Variants in VPS13A observed in about 807,000 individuals in gnomAD.
The protein encoded by VPS13A is vacuolar protein sorting 13 homolog A, also known as intermembrane lipid transfer protein VPS13A.
In VPS13A, 264 loss-of-function variants were observed where a neutral mutation model predicts 390.9. The ratio of observed to expected loss-of-function variants is 0.68; its 90% confidence interval spans 0.61 to 0.75. The LOEUF (loss-of-function observed/expected upper bound fraction) is 0.75, where lower values mean the gene tolerates loss of function less well. Among genes scored for constraint, VPS13A ranks in the 30% least tolerant of loss-of-function variants. The pLI is 0.00. For synonymous variants in VPS13A, 1,231 were observed against 1,227.1 expected, an observed-to-expected ratio of 1.00 and a Z score of -0.07; for missense variants, 3,409 against 3,733.9, an observed-to-expected ratio of 0.91 and a Z score of 2.27.
chr9:77,393,878 C>T (rs1834005036), intron 68 of VPS13A, among the ~76,000 whole-genome samples: 1 of 152,124 alleles, frequency 6.6e-6, no homozygotes, highest in African/African-American at 2.4e-5. Flanking sequence ...AAGCAATTCT[C>T]CTGTCTCGGC....
chr9:77,281,008 T>C (rs1375317353), intron 27 of VPS13A, among the ~76,000 whole-genome samples: 2 of 152,186 alleles, frequency 1.3e-5, no homozygotes, highest in Non-Finnish European at 2.9e-5. Context: ...GAGGACATTA[T>C]GCTAAGCAAA....
At chr9:77,205,864 A>G in intron 4 of VPS13A, 114 bp from the exon 5 acceptor site, 1 of 742,894 alleles carries the variant, frequency 1.3e-6, no homozygotes, top group Admixed American at 2.6e-5. Context: ...TGCTGGGATT[A>G]CAGGCATGAG....
chr9:77,342,134 G>T (rs1830862810), intron 50 of VPS13A, among the ~76,000 whole-genome samples: 2 of 152,118 alleles, frequency 1.3e-5, no homozygotes, highest in Non-Finnish European at 2.9e-5. Flanking sequence ...GTTAGCAATT[G>T]TCGAGAGCTC....
chr9:77,243,019 A>G (rs1201186426), intron 19 of VPS13A, among the ~76,000 whole-genome samples: 3 of 152,024 alleles, frequency 2.0e-5, no homozygotes, highest in African/African-American at 7.2e-5. Flanking sequence ...AATTTAATAT[A>G]TTTTGGATTT....
At chr9:77,316,486 C>A in intron 39 of VPS13A, 80 bp downstream of exon 39, 1 of 1,199,222 alleles carries the variant, frequency 8.3e-7, no homozygotes, top group Non-Finnish European at 1.2e-6. Context: ...CAAAAACTAC[C>A]TACATGCTTT....
intron 31 of VPS13A, among the ~76,000 whole-genome samples, chr9:77,290,037 C>T (rs1827557131): frequency 6.6e-6 from 1 of 152,112 alleles, no homozygotes; most frequent in South Asian, 2.1e-4. Flanking sequence ...CCACCTAGGC[C>T]CCCCAGAGTG....
At chr9:77,254,491 C>CT (rs1346265558) in intron 22 of VPS13A, among the ~76,000 whole-genome samples, 11 of 152,208 alleles carry the variant, frequency 7.2e-5, no homozygotes, top group Admixed American at 2.0e-4. Flanking sequence ...TAACTTTGTT[C>CT]TTTCGATTGT....
chr9:77,211,890 T>C lies in VPS13A; in HGVS notation c.556-1079T>C, dbSNP rs139611590. The stretch of plus-strand genomic sequence containing the variant: ...AGGAGGTAAGGCCTGGGAGTGAGCA[T>C]TACCGCCTGAGCTCTGTCAGATCAG... On this transcript the variant is annotated intron_variant, in intron 7 of 71. Coordinates refer to ENST00000360280, the MANE Select transcript of VPS13A (RefSeq NM_033305.3). Among the ~76,000 whole-genome samples, 212 of 152,290 alleles carry C rather than the reference T, an allele frequency of 1.4e-3. 3 individuals carry two copies. The East Asian group carries it at 0.038, about 27-fold the overall frequency.
chr9:77,313,927 AGG>A, intron 35 of VPS13A, 63 bp from the exon 36 acceptor site: 1 of 1,483,288 alleles, frequency 6.7e-7, no homozygotes, highest in Non-Finnish European at 9.2e-7. Context: ...ATCTATTTCA[AGG>A]GTATTTTAAT....
rs778600844 is a variant in VPS13A, at chr9:77,213,270, G to A, written c.652G>A (p.Val218Met). The A allele has an allele frequency of 6.2e-7, 1 of 1,613,696 alleles. No homozygotes were observed. Among genetic ancestry groups the A allele is most frequent in the Non-Finnish European group, 8.5e-7 (1 of 1,179,840 alleles). ...RLDNLFAYWN[V>M]KSQMFYLSDY... ...GGATAACCTGTTTGCCTATTGGAAT[G>A]TGAAGTCTCAGATGTTTTATCTTAG... Residue 218 changes from valine to methionine, a missense_variant, in exon 9 of 72, where the codon GTG (valine) becomes ATG (methionine). Physicochemically the swap from Val to Met is conservative, Grantham distance 21. Around this residue, in one of 5 missense-constraint regions of VPS13A, gnomAD observed 2,717 missense variants for 2,917.4 expected, o/e 0.93. Transcript: ENST00000360280.
Position 77,371,148 on chromosome 9 carries a change from A to G in VPS13A, c.9076A>G (p.Arg3026Gly), listed in dbSNP as rs1003816279. ...TAGCAGTACATTTCAGGGAATAAAA[A>G]GGTAAATCCTCTTTGGTGTAAGATA... ...MASSTFQGIK[R>G]ATETSEVESL... The change falls in exon 67 of 72, where the codon AGA becomes GGA. Residue 3026 changes from arginine to glycine, a missense_variant and splice_region_variant. Coordinates refer to ENST00000360280, the MANE Select transcript of VPS13A (RefSeq NM_033305.3). 29 of 1,614,016 alleles carry G rather than the reference A, an allele frequency of 1.8e-5. 1 individual carries two copies. The highest frequency in any genetic ancestry group is 2.0e-5 in the Non-Finnish European group (24 of 1,179,934).
In VPS13A at chr9:77,388,726, G is replaced by A. The variant is rs531453689; in HGVS notation, c.9189+6639G>A. The stretch of plus-strand genomic sequence containing the variant: ...TGTTTTTGTTTTTTAAAAGCAACCA[G>A]GATAGTCAGAGATTTAGCTAAGTAT... On this transcript the variant is annotated intron_variant, in intron 68 of 71. Transcript: ENST00000360280. Among the ~76,000 whole-genome samples the A allele has an allele frequency of 2.6e-5, 4 of 152,240 alleles. No homozygotes were observed. The South Asian group carries it at 8.3e-4, about 32-fold the overall frequency.
chr9:77,300,336 T>C (rs925181455), intron 33 of VPS13A, among the ~76,000 whole-genome samples: 4 of 152,236 alleles, frequency 2.6e-5, no homozygotes, highest in African/African-American at 9.6e-5. Flanking sequence ...ACTCATTTCT[T>C]TGGGATAATT....
intron 68 of VPS13A, among the ~76,000 whole-genome samples, chr9:77,387,615 G>A (rs570462139): frequency 1.3e-5 from 2 of 152,218 alleles, no homozygotes; most frequent in African/African-American, 2.4e-5. Context: ...ATCTAAGCCT[G>A]TAAATGAAAT....
intron 1 of VPS13A, among the ~76,000 whole-genome samples, chr9:77,198,186 C>G (rs913205736): frequency 6.6e-6 from 1 of 151,816 alleles, no homozygotes; most frequent in African/African-American, 2.4e-5. Context: ...ACATTAGAAG[C>G]AGTTGAGGGG....
chr9:77,340,700 C>G, intron 50 of VPS13A, 150 bp downstream of exon 50: 1 of 920,970 alleles, frequency 1.1e-6, no homozygotes, highest in Middle Eastern at 3.5e-4. Flanking sequence ...TTGTGCCCTG[C>G]TCTAGATAGA....
chr9:77,334,459 G>A (rs1480548949), intron 46 of VPS13A, among the ~76,000 whole-genome samples: 7 of 151,764 alleles, frequency 4.6e-5, no homozygotes, highest in African/African-American at 7.3e-5. Flanking sequence ...TTCCTTTGAC[G>A]TTTTATATTT....
intron 71 of VPS13A, among the ~76,000 whole-genome samples, chr9:77,413,660 C>T (rs1437756354): frequency 6.6e-6 from 1 of 152,266 alleles, no homozygotes; most frequent in South Asian, 2.1e-4. Flanking sequence ...TTAGGCAATA[C>T]CATTCAGGAC....
At chr9:77,331,564 T>A (rs1032318106) in intron 45 of VPS13A, among the ~76,000 whole-genome samples, 6 of 152,110 alleles carry the variant, frequency 3.9e-5, no homozygotes, top group African/African-American at 1.2e-4. Context: ...ACTTTTTTAA[T>A]GATTTTTAGG....
Sources: gnomAD v4.1 joint callset for allele counts (sites outside exome capture counted in the v4.1 genomes callset) on GRCh38, gnomAD v4.1.1 for gene constraint, gnomAD v4.1.1 regional missense constraint, MANE v1.5 for transcripts, NCBI Gene and HGNC (gene_info 2026-07-23, HGNC 2026-07-21) for gene names.